Variants in TDRD12 observed in about 807,000 individuals in gnomAD.
TDRD12 encodes the protein putative ATP-dependent RNA helicase TDRD12.
A neutral mutation model predicts 133.5 loss-of-function variants in TDRD12; 158 were observed. The ratio of observed to expected loss-of-function variants is 1.18; its 90% CI spans 1.04 to 1.35. The LOEUF (loss-of-function observed/expected upper bound fraction) is 1.35. Ranked by LOEUF, TDRD12 falls within the 40% of genes most tolerant of loss-of-function variation. TDRD12 has a pLI of 0.00. For synonymous variants in TDRD12, 460 were observed against 477.9 expected (o/e 0.96, Z 0.49); for missense variants, 1,443 against 1,321.3 (o/e 1.09, Z -1.43).
exon 3 of TDRD12, chr19:32,738,924 C>A (rs1020882615): frequency 1.3e-5 from 20 of 1,551,264 alleles, no homozygotes; most frequent in Non-Finnish European, 1.7e-5. Flanking sequence ...TTACGTCTTC[C>A]GCAGACCAGT....
At chr19:32,815,223 G>C (rs1967136711) in intron 25 of TDRD12, among the ~76,000 whole-genome samples, 1 of 152,096 alleles carries the variant, frequency 6.6e-6, no homozygotes, top group African/African-American at 2.4e-5. Flanking sequence ...CCCACCACCT[G>C]CCCATATTTC....
At chr19:32,720,156 C>G (rs1293662431) in intron 1 of TDRD12, 60 bp downstream of exon 1, 2 of 1,416,780 alleles carry the variant, frequency 1.4e-6, no homozygotes, top group African/African-American at 3.4e-5. Context: ...CCCACCCCAG[C>G]CGCGCACAGC....
chr19:32,813,898 G>C, intron 25 of TDRD12, 122 bp downstream of exon 25: 1 of 636,954 alleles, frequency 1.6e-6, no homozygotes, highest in Non-Finnish European at 2.7e-6. Flanking sequence ...TTGGGGATTT[G>C]TTAGGGAGAG....
intron 19 of TDRD12, 58 bp from the exon 20 acceptor site, chr19:32,802,598 G>C (rs1971430663): frequency 1.3e-6 from 2 of 1,511,122 alleles, no homozygotes; most frequent in Admixed American, 4.0e-5. Flanking sequence ...GGAACTGCCG[G>C]TTAAAGTAAG....
chr19:32,804,821 A>G (rs2145710718), intron 21 of TDRD12, among the ~76,000 whole-genome samples: 1 of 151,936 alleles, frequency 6.6e-6, no homozygotes, highest in Non-Finnish European at 1.5e-5. Context: ...GCGCCACTGC[A>G]CTCCAGACGG....
intron 1 of TDRD12, among the ~76,000 whole-genome samples, chr19:32,722,681 T>TC (rs939152634): frequency 3.5e-5 from 1 of 28,290 alleles, no homozygotes; most frequent in African/African-American, 2.8e-4. Context: ...TAAAAAAAAT[T>TC]TTTTTTTTTT....
At chr19:32,754,478 C>A (rs76803117) in intron 6 of TDRD12, among the ~76,000 whole-genome samples, 1,977 of 152,104 alleles carry the variant, frequency 0.013, 49 homozygotes, top group African/African-American at 0.045. Flanking sequence ...ACAAAAAAAA[C>A]CGCCAAAATA....
chr19:32,747,756 C>A (rs1969696351), intron 4 of TDRD12, among the ~76,000 whole-genome samples: 1 of 152,140 alleles, frequency 6.6e-6, no homozygotes, highest in African/African-American at 2.4e-5. Context: ...CGCCTGTAAT[C>A]CCAGCACTTT....
intron 3 of TDRD12, among the ~76,000 whole-genome samples, chr19:32,740,027 A>C (rs1452941500): frequency 7.2e-4 from 65 of 90,124 alleles, no homozygotes; most frequent in African/African-American, 2.8e-3. Flanking sequence ...TACTCTCTGC[A>C]TCTCCTGGGC....
chr19:32,796,023 A>G (rs1185010976), intron 14 of TDRD12: 1 of 364,074 alleles, frequency 2.7e-6, no homozygotes. Flanking sequence ...GTGGGGATGC[A>G]GAGCTAAACC....
chr19:32,807,559 A>G, exon 22 of TDRD12: 1 of 1,527,666 alleles, frequency 6.5e-7, no homozygotes, highest in Non-Finnish European at 8.7e-7. Flanking sequence ...AGACAAAAGG[A>G]TCTGTCCTGA....
rs1599815728 is a variant in TDRD12 at position 32,721,926 on chromosome 19, C to T, written c.24+1830C>T. Among the ~76,000 whole-genome samples, 5 of 149,230 alleles carry T rather than the reference C, an allele frequency of 3.4e-5. 1 individual carries two copies. The highest frequency in any genetic ancestry group is 1.2e-4 in the African/African-American group (5 of 40,422). On this transcript the variant is annotated intron_variant, in intron 1 of 27. Coordinates refer to ENST00000444215, the Ensembl canonical transcript of TDRD12. ...AGAGACGGGGTTTCACCATGTTAGC[C>T]AGGATGGTCTCCATTTCCTGACCTC...
chr19:32,821,369 A>AGTGT (rs59054756), downstream of TDRD12: 7,753 of 350,292 alleles, frequency 0.022, 102 homozygotes, highest in Non-Finnish European at 0.026. Flanking sequence ...AGCTCAGCAG[A>AGTGT]GTGTGTGTGT....
chr19:32,813,631 A>G, intron 24 of TDRD12, 53 bp from the exon 25 acceptor site: 1 of 1,073,254 alleles, frequency 9.3e-7, no homozygotes, highest in Non-Finnish European at 1.4e-6. Context: ...CATATACAAA[A>G]TAAGGTATTT....
chr19:32,771,490 A>G (rs1970441916), intron 8 of TDRD12, among the ~76,000 whole-genome samples: 1 of 150,904 alleles, frequency 6.6e-6, no homozygotes, highest in Admixed American at 6.6e-5. Context: ...TACTTCTTTT[A>G]TTTCTTGGAT....
At chr19:32,826,159 A>G (rs1287314900), downstream of TDRD12, 10 of 1,535,844 alleles carry the variant, frequency 6.5e-6, no homozygotes, top group South Asian at 1.2e-5. Flanking sequence ...CGCCTCTGAA[A>G]AGGTACGTCC....
At chr19:32,749,861 G>C in exon 6 of TDRD12, 1 of 1,531,896 alleles carries the variant, frequency 6.5e-7, no homozygotes, top group Non-Finnish European at 8.8e-7. Context: ...AACTATAAAA[G>C]ATGAAAAAGT....
chr19:32,739,661 C>G (rs1260222404), intron 3 of TDRD12, among the ~76,000 whole-genome samples: 1 of 129,926 alleles, frequency 7.7e-6, no homozygotes, highest in Non-Finnish European at 1.6e-5. Context: ...GGTGCTCTCT[C>G]TGCATCTCCT....
chr19:32,745,842 T>C (rs1345202004), intron 4 of TDRD12, among the ~76,000 whole-genome samples: 1 of 146,894 alleles, frequency 6.8e-6, no homozygotes, highest in African/African-American at 2.6e-5. Context: ...CTGGCTGATG[T>C]GGTTATTCTG....
Sources: gnomAD v4.1 joint callset for allele counts (sites outside exome capture counted in the v4.1 genomes callset) on GRCh38, gnomAD v4.1.1 for gene constraint, MANE v1.5 for transcripts, NCBI Gene and HGNC (gene_info 2026-07-23, HGNC 2026-07-21) for gene names.